ST13: variants seen among roughly 807,000 people sequenced by gnomAD.
The protein encoded by ST13 is hsc70-interacting protein.
ST13 carries 23 observed loss-of-function variants against 56.7 expected under a neutral mutation model. The ratio of observed to expected loss-of-function variants is 0.41; its 90% CI spans 0.29 to 0.57. The LOEUF (loss-of-function observed/expected upper bound fraction) is 0.57. Ranked by LOEUF, ST13 falls within the 20% of genes least tolerant of loss-of-function variation. The probability of loss-of-function intolerance (pLI) is 0.36; values close to 1 mark genes in which losing one functional copy is unlikely to be tolerated. For synonymous variants in ST13, 132 were observed against 142.4 expected (o/e 0.93, Z 0.52); for missense variants, 369 against 459.9 (o/e 0.80, Z 1.81).
Position 40,824,535 on chromosome 22 carries a change from T to C in ST13, c.*2003A>G, listed in dbSNP as rs1008695435. On this transcript the variant is annotated 3_prime_UTR_variant, in exon 12 of 12. Coordinates refer to ENST00000216218, the MANE Select transcript of ST13 (RefSeq NM_003932.5). ...AAGAAAACATTTCTGGTTTAGAATA[T>C]TGAGTTGAAAATTAAGAATGTATAT... 7 of 152,206 alleles carry C rather than the reference T, an allele frequency of 4.6e-5. No homozygotes were observed. The highest frequency in any genetic ancestry group is 1.7e-4 in the African/African-American group (7 of 41,446). The allele number at this position is 152,206 out of a possible 1,614,324, so 9.4% of individuals were successfully genotyped here.
chr22:40,829,247 TA>T (rs2057742821), intron 10 of ST13, among the ~76,000 whole-genome samples: 2 of 152,116 alleles, frequency 1.3e-5, no homozygotes, highest in Admixed American at 6.5e-5. Flanking sequence ...GACAGTTGTT[TA>T]AAAAACAAAA....
intron 5 of ST13, 175 bp from the exon 6 acceptor site, chr22:40,836,062 A>C (rs2057775787): frequency 1.8e-6 from 1 of 543,192 alleles, no homozygotes; most frequent in Non-Finnish European, 3.2e-6. Flanking sequence ...CCACACCTAT[A>C]CTGTAACTCA....
At position 40,826,453 on chromosome 22, in the gene ST13, G is replaced by T; in HGVS notation, c.*85C>A. 7.0e-7 allele frequency: 1 copy of T among 1,434,654 alleles called. No homozygotes were observed. Among genetic ancestry groups the T allele is most frequent in the Admixed American group, 1.9e-5 (1 of 53,600 alleles). 88.9% of individuals were successfully genotyped at this position (1,434,654 alleles called of 1,614,324 possible). ...AGCTCTCTTGATGAGAAGGTCAGAG[G>T]TACACTGGTTTGTATTATTGCGACA... On this transcript the variant is annotated 3_prime_UTR_variant, in exon 12 of 12. Coordinates refer to ENST00000216218, the MANE Select transcript of ST13 (RefSeq NM_003932.5).
At chr22:40,844,244 A>C (rs565865920) in intron 4 of ST13, among the ~76,000 whole-genome samples, 6 of 152,338 alleles carry the variant, frequency 3.9e-5, no homozygotes, top group Admixed American at 3.9e-4. Context: ...GGCAAAGATG[A>C]AATCTGATAA....
chr22:40,846,615 G>A (rs2057832610), intron 3 of ST13, among the ~76,000 whole-genome samples: 1 of 152,170 alleles, frequency 6.6e-6, no homozygotes, highest in Non-Finnish European at 1.5e-5. Context: ...AGACTAAAGA[G>A]GCATTTTATA....
chr22:40,829,313 T>C (rs945630888), intron 10 of ST13, among the ~76,000 whole-genome samples: 7 of 152,214 alleles, frequency 4.6e-5, no homozygotes, highest in Non-Finnish European at 7.4e-5. Context: ...AATCAGGAAG[T>C]ACTCAATAAA....
At chr22:40,850,743 G>C (rs1199719946) in intron 2 of ST13, 80 bp downstream of exon 2, 12 of 1,018,812 alleles carry the variant, frequency 1.2e-5, no homozygotes, top group Non-Finnish European at 1.6e-5. Flanking sequence ...GTGATAACTG[G>C]AGAGCAGCAG....
At chr22:40,836,219 G>A (rs2057776611) in intron 5 of ST13, among the ~76,000 whole-genome samples, 1 of 152,224 alleles carries the variant, frequency 6.6e-6, no homozygotes, top group African/African-American at 2.4e-5. Flanking sequence ...GGGAGGCCAA[G>A]GCAGGCAAAT....
chr22:40,829,406 T>C (rs2057743601), intron 10 of ST13, among the ~76,000 whole-genome samples: 1 of 152,216 alleles, frequency 6.6e-6, no homozygotes. Flanking sequence ...ACTAGCAATT[T>C]CTGATCACAT....
chr22:40,847,676 C>T (rs1178762383), intron 3 of ST13, among the ~76,000 whole-genome samples: 1 of 151,672 alleles, frequency 6.6e-6, no homozygotes, highest in Non-Finnish European at 1.5e-5. Context: ...AATGTAAAAC[C>T]TGAATTGAGG....
At position 40,832,553 on chromosome 22, in the gene ST13, C is replaced by G. The variant is rs776857227; in HGVS notation, c.681+16G>C. 31 of 1,589,610 alleles carry G rather than the reference C, an allele frequency of 2.0e-5. No individual in the cohort carries two copies. Among genetic ancestry groups the G allele is most frequent in the Admixed American group, 3.3e-5 (2 of 59,952 alleles). ...GTATTTAACTAATGACTTTCCCTTT[C>G]TCTACTTTGACATACCCTAGGTTGA... On this transcript the variant is annotated intron_variant, in intron 8 of 11. Coordinates refer to ENST00000216218, the MANE Select transcript of ST13 (RefSeq NM_003932.5).
In ST13 at chr22:40,856,489, G is replaced by C. The variant is rs2057897078; in HGVS notation, c.52C>G (p.Gln18Glu). 3 of 1,613,392 alleles carry C rather than the reference G, an allele frequency of 1.9e-6. No individual in the cohort carries two copies. The Admixed American group carries it at 5.0e-5, about 27-fold the overall frequency. Reference sequence around the variant, plus strand: ...TCGGTGTGCAGAACGCTCGGATCCTGCTTACACATTTTCACAAAGGCCCGA... The same window carrying C: ...TCGGTGTGCAGAACGCTCGGATCCTCCTTACACATTTTCACAAAGGCCCGA... ...ELRAFVKMCK[Q>E]DPSVLHTEEM... The change falls in exon 1 of 12, where the codon CAG becomes GAG. Residue 18 changes from glutamine to glutamate, a missense_variant. Coordinates refer to ENST00000216218, the MANE Select transcript of ST13 (RefSeq NM_003932.5).
At chr22:40,839,123 G>A (rs2057790740) in intron 5 of ST13, among the ~76,000 whole-genome samples, 1 of 152,038 alleles carries the variant, frequency 6.6e-6, no homozygotes, top group South Asian at 2.1e-4. Flanking sequence ...AGCAATAAAG[G>A]AATAAATTTT....
rs2057729331 is a variant in ST13, at chr22:40,826,577, G to A, written c.1071C>T (p.Leu357=). ...KYQSNPKVMN[L]ISKLSAKFGG... Reference sequence around the variant, plus strand: ...CAAATTTGGCTGACAATTTACTGATGAGATTCATAACCTTTGGGTTGCTCT... The same window carrying A: ...CAAATTTGGCTGACAATTTACTGATAAGATTCATAACCTTTGGGTTGCTCT... The change falls in exon 12 of 12, where the codon CTC becomes CTT. Residue 357 remains leucine, a synonymous_variant. Coordinates refer to ENST00000216218, the MANE Select transcript of ST13 (RefSeq NM_003932.5). 2.5e-6 allele frequency: 4 copies of A among 1,600,986 alleles called. No homozygotes were observed. Among genetic ancestry groups the A allele is most frequent in the East Asian group, 4.5e-5 (2 of 44,862 alleles).
chr22:40,856,224 G>A (rs1569008156), intron 1 of ST13, among the ~76,000 whole-genome samples: 1 of 152,252 alleles, frequency 6.6e-6, no homozygotes, highest in East Asian at 1.9e-4. Flanking sequence ...CAGGGTGCGA[G>A]GAACCCAGCT....
rs565226431 is a variant in ST13, at chr22:40,840,555, C to G, written c.382+71G>C. ...ACAGGTACATGTAACTTCTCTTCTA[C>G]TTTACCACTATTTAAGTTACTGCAA... is the stretch of plus-strand genomic sequence containing the variant. On this transcript the variant is annotated intron_variant, in intron 5 of 11. Coordinates refer to ENST00000216218, the MANE Select transcript of ST13 (RefSeq NM_003932.5). 5.1e-6 allele frequency: 7 copies of G among 1,369,374 alleles called. No individual in the cohort carries two copies. The South Asian group carries it at 8.4e-5, about 16-fold the overall frequency. 84.8% of individuals were successfully genotyped at this position (1,369,374 alleles called of 1,614,324 possible).
Position 40,835,791 on chromosome 22 carries a change from T to TA in ST13, c.467+11dup. Reference sequence around the variant, plus strand: ...ATTTGCCAGGGGATGCTTTTCTGTTTAGAGTTCTCACCTGGCCCTCTTGGC... The same window carrying TA: ...ATTTGCCAGGGGATGCTTTTCTGTTTAAGAGTTCTCACCTGGCCCTCTTGGC... On this transcript the variant is annotated intron_variant, in intron 6 of 11. Coordinates refer to ENST00000216218, the MANE Select transcript of ST13 (RefSeq NM_003932.5). 1 of 1,613,324 alleles carries TA rather than the reference T, an allele frequency of 6.2e-7. No homozygotes were observed. Among genetic ancestry groups the TA allele is most frequent in the Non-Finnish European group, 8.5e-7 (1 of 1,179,304 alleles).
chr22:40,836,151 CTTGT>C (rs2057776239), intron 5 of ST13, among the ~76,000 whole-genome samples: 1 of 152,098 alleles, frequency 6.6e-6, no homozygotes, highest in African/African-American at 2.4e-5. Flanking sequence ...CCATATTGAT[CTTGT>C]TTAAGGAAAA....
At chr22:40,828,387 G>A (rs1227657838) in intron 10 of ST13, among the ~76,000 whole-genome samples, 4 of 151,542 alleles carry the variant, frequency 2.6e-5, no homozygotes, top group Non-Finnish European at 5.9e-5. Context: ...GGCAGATCAC[G>A]AGGTCAGGAG....
Sources: gnomAD v4.1 joint callset for allele counts (sites outside exome capture counted in the v4.1 genomes callset) on GRCh38, gnomAD v4.1.1 for gene constraint, MANE v1.5 for transcripts, NCBI Gene and HGNC (gene_info 2026-07-23, HGNC 2026-07-21) for gene names.